IFNAR1: variants seen among roughly 807,000 people sequenced by gnomAD.
IFNAR1 encodes the protein interferon alpha/beta receptor 1.
IFNAR1 carries 47 observed loss-of-function variants against 62.1 expected under a neutral mutation model. The ratio of observed to expected loss-of-function variants is 0.76; its 90% CI spans 0.60 to 0.97. The LOEUF (loss-of-function observed/expected upper bound fraction) is 0.97. Ranked by LOEUF, IFNAR1 falls within the 50% of genes least tolerant of loss-of-function variation. IFNAR1 has a pLI of 0.00. For synonymous variants in IFNAR1, 219 were observed against 226.9 expected (o/e 0.97, Z 0.31); for missense variants, 638 against 654.5 (o/e 0.97, Z 0.27).
chr21:33,330,274 C>T (rs924093304), intron 1 of IFNAR1, among the ~76,000 whole-genome samples: 2 of 152,146 alleles, frequency 1.3e-5, no homozygotes, highest in Admixed American at 6.5e-5. Context: ...GTTGTTACAC[C>T]TTACTCATTG....
intron 10 of IFNAR1, among the ~76,000 whole-genome samples, chr21:33,354,216 C>T (rs2083427197): frequency 6.6e-6 from 1 of 152,170 alleles, no homozygotes; most frequent in Admixed American, 6.5e-5. Context: ...GTGGCACATG[C>T]CTGTAATCCC....
At position 33,343,675 on chromosome 21, in the gene IFNAR1, A is replaced by G; in HGVS notation, c.672A>G (p.Thr224=). The stretch of plus-strand genomic sequence containing the variant: ...GTCCAGTACATTGTATAAAGACCAC[A>G]GGTAAGGAAGATGTTTTGTTTTAGA... The part of the protein sequence containing the change: ...VYSPVHCIKT[T]VENELPPPEN... Residue 224 remains threonine (T), a splice_region_variant and synonymous_variant, in exon 5 of 11, where the codon ACA becomes ACG. Transcript: ENST00000270139. 1 of 1,573,150 alleles carries G rather than the reference A, an allele frequency of 6.4e-7. No individual in the cohort carries two copies. The highest frequency in any genetic ancestry group is 8.6e-7 in the Non-Finnish European group (1 of 1,162,974).
intron 8 of IFNAR1, among the ~76,000 whole-genome samples, chr21:33,351,552 ATTTT>A (rs752798894): frequency 7.2e-6 from 1 of 138,588 alleles, no homozygotes; most frequent in African/African-American, 2.6e-5. Flanking sequence ...ATTTTATTTT[ATTTT>A]TTTTTTTTTT....
At chr21:33,330,322 A>G (rs145007985) in intron 1 of IFNAR1, among the ~76,000 whole-genome samples, 2 of 152,194 alleles carry the variant, frequency 1.3e-5, no homozygotes, top group African/African-American at 4.8e-5. Context: ...TGCCCCATGG[A>G]TTTAAAGGGC....
intron 1 of IFNAR1, chr21:33,335,070 G>A (rs2083220130): frequency 1.0e-6 from 1 of 969,618 alleles, no homozygotes; most frequent in South Asian, 1.3e-5. Context: ...GAGGAAGCCA[G>A]CACTTGATTG....
chr21:33,355,832 G>A lies in IFNAR1; in HGVS notation c.*283G>A, dbSNP rs935630603. 1.3e-4 allele frequency: 23 copies of A among 174,642 alleles called. No individual in the cohort carries two copies. Among genetic ancestry groups the A allele is most frequent in the African/African-American group, 5.0e-4 (21 of 42,050 alleles). The allele number at this position is 174,642 out of a possible 1,614,324, so 10.8% of individuals were successfully genotyped here. Reference sequence around the variant, plus strand: ...AGAGATCGAGACCAGCCTGGCCAACGTGGTGAAACCCCATCTCTACTAAAA... The same window carrying A: ...AGAGATCGAGACCAGCCTGGCCAACATGGTGAAACCCCATCTCTACTAAAA... On this transcript the variant is annotated 3_prime_UTR_variant, in exon 11 of 11. Transcript: ENST00000270139.
rs1329098316 is a variant in IFNAR1 at position 33,357,212 on chromosome 21, A to C, written c.*1663A>C. Reference sequence around the variant, plus strand: ...GTGAAAGAAAAGAGACAAAGTTAGAACGTGCTGGGGAGCGGCCATTTCTAA... The same window carrying C: ...GTGAAAGAAAAGAGACAAAGTTAGACCGTGCTGGGGAGCGGCCATTTCTAA... On this transcript the variant is annotated 3_prime_UTR_variant, in exon 11 of 11. Coordinates refer to ENST00000270139, the MANE Select transcript of IFNAR1 (RefSeq NM_000629.3). 8.5e-5 allele frequency: 13 copies of C among 152,240 alleles called. No homozygotes were observed. Among genetic ancestry groups the C allele is most frequent in the Admixed American group, 8.5e-4 (13 of 15,276 alleles). 9.4% of individuals were successfully genotyped at this position (152,240 alleles called of 1,614,324 possible). A position where few individuals can be genotyped will look rare whatever the true frequency, so the allele number is the denominator to read the frequency against.
In IFNAR1 at chr21:33,343,529, T is replaced by A. The variant is rs1353287856; in HGVS notation, c.532-6T>A. 2 of 1,528,828 alleles carry A rather than the reference T, an allele frequency of 1.3e-6. No individual in the cohort carries two copies. Among genetic ancestry groups the A allele is most frequent in the Non-Finnish European group, 1.8e-6 (2 of 1,109,878 alleles). The allele number at this position is 1,528,828 out of a possible 1,614,324, so 94.7% of individuals were successfully genotyped here. ...TTTAAAGAACCAACTTATATTTGTG[T>A]TATAGGAAAGGATTGAAAATATTTA... On this transcript the variant is annotated splice_region_variant and splice_polypyrimidine_tract_variant and intron_variant, in intron 4 of 10. Transcript: ENST00000270139.
intron 1 of IFNAR1, chr21:33,334,923 TGG>T (rs1051238421): frequency 2.0e-5 from 31 of 1,568,672 alleles, no homozygotes; most frequent in African/African-American, 5.4e-5. Context: ...CAGTGGGAGA[TGG>T]GGCAGGGGGT....
chr21:33,352,681 A>G (rs2083410280), intron 8 of IFNAR1, 77 bp from the exon 9 acceptor site: 1 of 789,488 alleles, frequency 1.3e-6, no homozygotes, highest in African/African-American at 1.7e-5. Context: ...GACTGAACAT[A>G]AAAAATTGAG....
chr21:33,332,502 G>T (rs1321090242), intron 1 of IFNAR1, among the ~76,000 whole-genome samples: 1 of 152,170 alleles, frequency 6.6e-6, no homozygotes, highest in African/African-American at 2.4e-5. Flanking sequence ...CCAAAGGAAA[G>T]TAAGAACTCT....
chr21:33,352,728 T>G, intron 8 of IFNAR1, 30 bp from the exon 9 acceptor site: 2 of 1,313,056 alleles, frequency 1.5e-6, no homozygotes, highest in Non-Finnish European at 2.1e-6. Context: ...GGTGACTAAA[T>G]TTTATCAGTG....
chr21:33,349,013 T>G (rs912841989), intron 6 of IFNAR1, 78 bp from the exon 7 acceptor site: 3 of 833,304 alleles, frequency 3.6e-6, no homozygotes, highest in Non-Finnish European at 5.7e-6. Context: ...TCTGTAACCT[T>G]AGCCCCTAAC....
chr21:33,332,557 A>G (rs998051049), intron 1 of IFNAR1, among the ~76,000 whole-genome samples: 3 of 152,358 alleles, frequency 2.0e-5, no homozygotes, highest in Admixed American at 2.0e-4. Context: ...TTGCTGGAAA[A>G]GGAATTCAAA....
chr21:33,329,382 A>C (rs758804094), intron 1 of IFNAR1, among the ~76,000 whole-genome samples: 3 of 152,178 alleles, frequency 2.0e-5, no homozygotes, highest in Non-Finnish European at 4.4e-5. Flanking sequence ...GATGTGATGT[A>C]TTCTATTCAG....
intron 1 of IFNAR1, among the ~76,000 whole-genome samples, chr21:33,332,789 C>G (rs2083194068): frequency 6.6e-6 from 1 of 152,080 alleles, no homozygotes; most frequent in Non-Finnish European, 1.5e-5. Context: ...AATCTCTGAA[C>G]TTGAAGATAT....
At chr21:33,353,029 G>T in intron 9 of IFNAR1, 121 bp downstream of exon 9, 1 of 590,062 alleles carries the variant, frequency 1.7e-6, no homozygotes, top group Non-Finnish European at 2.7e-6. Context: ...TAGAAAGAAT[G>T]TTTTCTTCAT....
intron 8 of IFNAR1, among the ~76,000 whole-genome samples, chr21:33,350,499 T>C (rs1454100490): frequency 1.3e-5 from 2 of 152,100 alleles, no homozygotes; most frequent in Non-Finnish European, 1.5e-5. Context: ...CCCAAAAAGT[T>C]GTTTAGTTGG....
rs891993841 is a variant in IFNAR1, at chr21:33,359,321, G to A, written c.*3772G>A. On this transcript the variant is annotated 3_prime_UTR_variant, in exon 11 of 11. Transcript: ENST00000270139. ...GGCCCAAAAGTCTAGGAGTTTTTTT[G>A]TACTTAGTGAATTTGTATGCAACAG... 7 of 152,032 alleles carry A rather than the reference G, an allele frequency of 4.6e-5. No individual in the cohort carries two copies. The highest frequency in any genetic ancestry group is 1.2e-4 in the African/African-American group (5 of 41,386). The allele number at this position is 152,032 out of a possible 1,614,324, so 9.4% of individuals were successfully genotyped here.
Sources: allele counts gnomAD v4.1 joint callset (sites outside exome capture counted in the v4.1 genomes callset), GRCh38; gene constraint gnomAD v4.1.1; transcripts MANE v1.5; gene names NCBI Gene and HGNC (gene_info 2026-07-23, HGNC 2026-07-21).